Variants in MAPK6 observed in about 807,000 individuals in gnomAD.
The protein encoded by MAPK6 is mitogen-activated protein kinase 6, also known as ERK-3.
A neutral mutation model predicts 59.3 loss-of-function variants in MAPK6; 19 were observed. That is an observed-to-expected ratio of 0.32 (90% confidence interval 0.22 to 0.47). The LOEUF (loss-of-function observed/expected upper bound fraction) is 0.47. Ranked by LOEUF, MAPK6 falls within the 20% of genes least tolerant of loss-of-function variation. The probability of loss-of-function intolerance (pLI) is 1.00; values close to 1 mark genes in which losing one functional copy is unlikely to be tolerated. For missense variants in MAPK6, 724 were observed against 847.9 expected, an observed-to-expected ratio of 0.85 and a Z score of 1.81; for synonymous variants, 316 against 290.3, an observed-to-expected ratio of 1.09 and a Z score of -0.90.
intron 5 of MAPK6, among the ~76,000 whole-genome samples, chr15:52,062,952 G>A (rs2032262374): frequency 6.6e-6 from 1 of 152,126 alleles, no homozygotes. Flanking sequence ...TTAATCTTAA[G>A]ATTTTAAGAA....
chr15:52,050,136 A>C lies in MAPK6; in HGVS notation c.699A>C (p.Ala233=). Residue 233 remains alanine (A), a splice_region_variant and synonymous_variant, in exon 3 of 6, where the codon GCA becomes GCC. Coordinates refer to ENST00000261845, the MANE Select transcript of MAPK6 (RefSeq NM_002748.4). ...AEMLTGKTLF[A]GAHELEQMQL... is the part of the protein sequence containing the mutation. ...TGCTGACTGGTAAAACCCTTTTTGC[A>C]GGTTAGTATTTTGTGGGGGGAAAAA... 1 of 1,598,614 alleles carries C rather than the reference A, an allele frequency of 6.3e-7. No homozygotes were observed. The highest frequency in any genetic ancestry group is 2.2e-5 in the East Asian group (1 of 44,672).
rs376327968 is a variant in MAPK6 at position 52,048,832 on chromosome 15, A to G, written c.556-1161A>G. 3.5e-4 allele frequency among the ~76,000 whole-genome samples: 53 copies of G among 152,314 alleles called. No individual in the cohort carries two copies. In the East Asian group the frequency reaches 7.1e-3, roughly 21 times the overall value. On this transcript the variant is annotated intron_variant, in intron 2 of 5. Coordinates refer to ENST00000261845, the MANE Select transcript of MAPK6 (RefSeq NM_002748.4). The stretch of plus-strand genomic sequence containing the variant: ...AGTTTGAGACCAACCTGGGCAACAC[A>G]GACAACTTTTTTTTCCTAGAGAAAA...
In MAPK6 at chr15:51,972,161, C is replaced by G. The variant is rs62015190; in HGVS notation, c.-880+255C>G. 2.0e-4 allele frequency among the ~76,000 whole-genome samples: 29 copies of G among 143,176 alleles called. No individual in the cohort carries two copies. The East Asian group carries it at 4.6e-3, about 23-fold the overall frequency. The allele number at this position is 143,176 out of a possible 152,430, so 93.9% of individuals were successfully genotyped here. Reference sequence around the variant, plus strand: ...TTTACCCTCTTAAAAATTGTTGAGACGGAGTCTCGCTCAGTCGCCCAGGCT... The same window carrying G: ...TTTACCCTCTTAAAAATTGTTGAGAGGGAGTCTCGCTCAGTCGCCCAGGCT... On this transcript the variant is annotated intron_variant, in intron 1 of 7. Coordinates refer to the MAPK6 transcript ENST00000691380.
At chr15:52,063,202 C>T (rs2032273175) in intron 5 of MAPK6, among the ~76,000 whole-genome samples, 1 of 152,072 alleles carries the variant, frequency 6.6e-6, no homozygotes, top group African/African-American at 2.4e-5. Context: ...CTAGCTGGGA[C>T]TATAGGCACC....
upstream of MAPK6, among the ~76,000 whole-genome samples, chr15:52,015,926 C>T (rs1240687896): frequency 2.3e-3 from 9 of 3,838 alleles, no homozygotes; most frequent in East Asian, 0.5. Context: ...GGCGTGGTGG[C>T]GCGCCCTGTA....
chr15:52,058,946 A>C, intron 4 of MAPK6, 149 bp downstream of exon 4: 2 of 541,034 alleles, frequency 3.7e-6, no homozygotes, highest in Non-Finnish European at 5.8e-6. Context: ...TTCAACTCTC[A>C]TTTTCCCTTT....
chr15:52,010,321 C>T (rs751297599), intron 3 of MAPK6, among the ~76,000 whole-genome samples: 1 of 151,478 alleles, frequency 6.6e-6, no homozygotes, highest in Middle Eastern at 3.4e-3. Flanking sequence ...TGGGTTCAAG[C>T]GATTCTCCTG....
At chr15:51,997,277 A>ATTTTTTTTTT (rs749427678) in intron 2 of MAPK6, among the ~76,000 whole-genome samples, 60 of 140,542 alleles carry the variant, frequency 4.3e-4, no homozygotes, top group African/African-American at 1.5e-3. Context: ...GTGCCTAGCA[A>ATTTTTTTTTT]TTTTTTTTTT....
intron 1 of MAPK6, among the ~76,000 whole-genome samples, chr15:52,028,763 T>A (rs2030913287): frequency 6.6e-6 from 1 of 152,220 alleles, no homozygotes; most frequent in Non-Finnish European, 1.5e-5. Flanking sequence ...ACAGCCTCAT[T>A]TCTCTGATTC....
At chr15:51,995,842 C>T (rs1432278806) in intron 2 of MAPK6, among the ~76,000 whole-genome samples, 3 of 151,924 alleles carry the variant, frequency 2.0e-5, no homozygotes, top group African/African-American at 7.3e-5. Context: ...GCAGGAGAAT[C>T]GCTTAAACCC....
At chr15:51,987,248 T>C in intron 2 of MAPK6, among the ~76,000 whole-genome samples, 1 of 152,156 alleles carries the variant, frequency 6.6e-6, no homozygotes, top group Admixed American at 6.6e-5. Flanking sequence ...CTTAACCAAA[T>C]TTCCACTGCC....
chr15:52,057,607 T>C (rs2032032601), intron 3 of MAPK6, among the ~76,000 whole-genome samples: 1 of 151,998 alleles, frequency 6.6e-6, no homozygotes, highest in African/African-American at 2.4e-5. Flanking sequence ...TGCAGTGACA[T>C]GATCTTGGCT....
intron 3 of MAPK6, among the ~76,000 whole-genome samples, chr15:52,007,805 G>C (rs925326954): frequency 6.7e-6 from 1 of 148,976 alleles, no homozygotes; most frequent in African/African-American, 2.5e-5. Context: ...TACCAGAATA[G>C]TATAAAAACT....
intron 2 of MAPK6, among the ~76,000 whole-genome samples, chr15:52,001,299 C>A (rs2057241255): frequency 6.6e-6 from 1 of 152,066 alleles, no homozygotes; most frequent in African/African-American, 2.4e-5. Context: ...AGTTTCTGTT[C>A]TTTATAAATT....
chr15:51,985,383 G>A (rs892167709), intron 2 of MAPK6, among the ~76,000 whole-genome samples: 1 of 151,792 alleles, frequency 6.6e-6, no homozygotes, highest in Admixed American at 6.6e-5. Context: ...GGTCAGGCAC[G>A]GTGGCTCACA....
intron 1 of MAPK6, among the ~76,000 whole-genome samples, chr15:52,040,361 A>C (rs138903588): frequency 1.3e-5 from 2 of 152,332 alleles, no homozygotes; most frequent in African/African-American, 4.8e-5. Context: ...GAAGAGCAAA[A>C]TAAGAGCCTT....
Position 52,063,956 on chromosome 15 carries a change from T to A in MAPK6, c.1122T>A (p.Asp374Glu), listed in dbSNP as rs777412286. ...ATTGGCCTGTACATAACAACTTTGA[T>A]ATTGATGAAGTTCAGCTTGATCCAA... Reference protein sequence around the residue: ...EHDWPVHNNFDIDEVQLDPRA... With the variant: ...EHDWPVHNNFEIDEVQLDPRA... Residue 374 changes from aspartate to glutamate, a missense_variant, in exon 6 of 6, where the codon GAT (aspartate) becomes GAA (glutamate). Asp to Glu is a conservative substitution (Grantham distance 45). Transcript: ENST00000261845. 6.2e-7 allele frequency: 1 copy of A among 1,603,476 alleles called. No homozygotes were observed. The highest frequency in any genetic ancestry group is 1.1e-5 in the South Asian group (1 of 89,128).
chr15:52,000,673 C>T (rs1595962933), intron 2 of MAPK6, among the ~76,000 whole-genome samples: 1 of 151,826 alleles, frequency 6.6e-6, no homozygotes, highest in South Asian at 2.1e-4. Flanking sequence ...GGGCATGGTG[C>T]CACACACCTG....
chr15:51,995,147 G>T (rs148775542), intron 2 of MAPK6, among the ~76,000 whole-genome samples: 1 of 152,216 alleles, frequency 6.6e-6, no homozygotes, highest in African/African-American at 2.4e-5. Context: ...CAGGGCAGAG[G>T]AGGAAGCAGG....
Sources: gnomAD v4.1 joint callset for allele counts (sites outside exome capture counted in the v4.1 genomes callset) on GRCh38, gnomAD v4.1.1 for gene constraint, MANE v1.5 for transcripts, NCBI Gene and HGNC (gene_info 2026-07-23, HGNC 2026-07-21) for gene names.